Variants in UGGT1 observed in about 807,000 individuals in gnomAD.
UGGT1 encodes the protein UDP-glucose:glycoprotein glucosyltransferase 1.
A neutral mutation model predicts 203.9 loss-of-function variants in UGGT1; 107 were observed. The ratio of observed to expected loss-of-function variants is 0.52; its 90% CI spans 0.45 to 0.62. The LOEUF is 0.62. UGGT1 is among the 20% of genes least tolerant of loss of function. The pLI, the probability that UGGT1 is intolerant of heterozygous loss-of-function variation, is 0.00. For synonymous variants in UGGT1, 628 were observed against 653.5 expected, an observed-to-expected ratio of 0.96 and a Z score of 0.59; for missense variants, 1,673 against 1,867.2, an observed-to-expected ratio of 0.90 and a Z score of 1.92.
chr2:128,157,437 G>A, intron 22 of UGGT1, 91 bp downstream of exon 22: 1 of 971,950 alleles, frequency 1.0e-6, no homozygotes, highest in Non-Finnish European at 1.6e-6. Context: ...TTCAGTGGGA[G>A]TTGGGAGTCC....
At chr2:128,149,366 C>G (rs113896135) in intron 18 of UGGT1, among the ~76,000 whole-genome samples, 1 of 148,216 alleles carries the variant, frequency 6.7e-6, no homozygotes, top group South Asian at 2.2e-4. Context: ...AAAAATAGGC[C>G]GGGCGCGATG....
At chr2:128,164,939 A>G in intron 26 of UGGT1, 114 bp downstream of exon 26, 1 of 757,640 alleles carries the variant, frequency 1.3e-6, no homozygotes, top group Non-Finnish European at 2.0e-6. Flanking sequence ...TCTTACAGGA[A>G]TTGAACATTT....
intron 22 of UGGT1, 139 bp downstream of exon 22, chr2:128,157,485 TC>T: frequency 1.6e-6 from 1 of 614,336 alleles, no homozygotes; most frequent in Non-Finnish European, 2.8e-6. Flanking sequence ...GAATTGTATC[TC>T]TAGAGATCTG....
At chr2:128,094,378 A>C (rs1687009999) in intron 1 of UGGT1, among the ~76,000 whole-genome samples, 1 of 152,186 alleles carries the variant, frequency 6.6e-6, no homozygotes, top group South Asian at 2.1e-4. Context: ...TGTAATTTAG[A>C]AGATAGTTTT....
At chr2:128,112,692 C>G (rs551401928) in intron 5 of UGGT1, among the ~76,000 whole-genome samples, 1 of 150,210 alleles carries the variant, frequency 6.7e-6, no homozygotes, top group Admixed American at 6.7e-5. Flanking sequence ...AGGTGATCCT[C>G]TCACCTTAGC....
At position 128,169,035 on chromosome 2, in the gene UGGT1, G is replaced by A. The variant is rs189348992; in HGVS notation, c.2922-1253G>A. 1.0e-3 allele frequency among the ~76,000 whole-genome samples: 117 copies of A among 113,812 alleles called. 5 individuals are homozygous for A. In the East Asian group the frequency reaches 0.027, roughly 27 times the overall value. The allele number at this position is 113,812 out of a possible 152,430, so 74.7% of individuals were successfully genotyped here. A position where few individuals can be genotyped will look rare whatever the true frequency, so the allele number is the denominator to read the frequency against. The stretch of plus-strand genomic sequence containing the variant: ...ATACTCCCAGCCTGGGTGAATGAGC[G>A]AGACTCTGTCTTTAAAAAAAAAAAA... On this transcript the variant is annotated intron_variant, in intron 26 of 40. Coordinates refer to ENST00000259253, the MANE Select transcript of UGGT1 (RefSeq NM_020120.4).
chr2:128,183,649 G>C, intron 37 of UGGT1, 26 bp from the exon 38 acceptor site: 2 of 1,561,332 alleles, frequency 1.3e-6, no homozygotes, highest in Non-Finnish European at 1.8e-6. Flanking sequence ...ATGGTTGGTT[G>C]TAACAAGCGG....
At chr2:128,186,218 G>A (rs1053555261) in intron 38 of UGGT1, among the ~76,000 whole-genome samples, 1 of 152,222 alleles carries the variant, frequency 6.6e-6, no homozygotes, top group African/African-American at 2.4e-5. Flanking sequence ...ACTTCTCTAA[G>A]GCATTGGTAA....
intron 18 of UGGT1, among the ~76,000 whole-genome samples, chr2:128,150,389 A>G (rs1352109192): frequency 6.6e-6 from 1 of 152,370 alleles, no homozygotes; most frequent in East Asian, 1.9e-4. Flanking sequence ...TAATCATGCC[A>G]CTGCACTCTA....
intron 5 of UGGT1, among the ~76,000 whole-genome samples, chr2:128,111,089 A>C (rs2105363624): frequency 6.6e-6 from 1 of 152,318 alleles, no homozygotes; most frequent in East Asian, 1.9e-4. Flanking sequence ...TTGGGGGCAC[A>C]AGCCTGTAGT....
At chr2:128,112,746 C>A (rs1687928802) in intron 5 of UGGT1, among the ~76,000 whole-genome samples, 1 of 151,318 alleles carries the variant, frequency 6.6e-6, no homozygotes, top group Non-Finnish European at 1.5e-5. Context: ...CCATACCCAG[C>A]TAATTTTCGT....
chr2:128,115,238 G>A lies in UGGT1; in HGVS notation c.793+18G>A, dbSNP rs752962296. 2.6e-5 allele frequency: 41 copies of A among 1,603,800 alleles called. No homozygotes were observed. The highest frequency in any genetic ancestry group is 3.2e-5 in the Non-Finnish European group (38 of 1,171,170). On this transcript the variant is annotated intron_variant, in intron 7 of 40. Coordinates refer to ENST00000259253, the MANE Select transcript of UGGT1 (RefSeq NM_020120.4). ...GGTGAAAGGTGAATTTGTAAAAATG[G>A]GACCAGTGTGCTTTCTTCAAATATG...
chr2:128,147,942 A>C (rs552304874), intron 18 of UGGT1, among the ~76,000 whole-genome samples: 1 of 152,246 alleles, frequency 6.6e-6, no homozygotes, highest in South Asian at 2.1e-4. Flanking sequence ...GTTTTTGACA[A>C]CTAGGAATTT....
intron 9 of UGGT1, 106 bp from the exon 10 acceptor site, chr2:128,121,093 T>C (rs6430990): frequency 0.94 from 999,086 of 1,057,394 alleles, 474,550 homozygotes; most frequent in Non-Finnish European, 0.98. Context: ...CATTCGAAGA[T>C]ATTCTTAATT....
chr2:128,168,971 G>A (rs952813807), intron 26 of UGGT1, among the ~76,000 whole-genome samples: 3 of 147,326 alleles, frequency 2.0e-5, no homozygotes, highest in African/African-American at 5.1e-5. Context: ...TGCTTGAGCC[G>A]GGGAGGTGGA....
At chr2:128,144,968 A>C (rs1689611467) in intron 17 of UGGT1, among the ~76,000 whole-genome samples, 1 of 152,236 alleles carries the variant, frequency 6.6e-6, no homozygotes, top group Admixed American at 6.5e-5. Flanking sequence ...AGGGACAAGC[A>C]CCTATGTTGA....
chr2:128,189,562 C>T (rs1692154448), intron 40 of UGGT1, among the ~76,000 whole-genome samples, 155 bp from the exon 41 acceptor site: 1 of 152,130 alleles, frequency 6.6e-6, no homozygotes. Context: ...TTTCAAAATA[C>T]AGTACAAAAG....
intron 31 of UGGT1, among the ~76,000 whole-genome samples, chr2:128,176,351 G>C (rs1172430226): frequency 6.9e-6 from 1 of 145,464 alleles, no homozygotes; most frequent in African/African-American, 2.6e-5. Context: ...GGTGGAGGTT[G>C]CATTGAGCCG....
chr2:128,139,200 TTTTG>T (rs745455083), intron 16 of UGGT1, among the ~76,000 whole-genome samples: 6 of 152,236 alleles, frequency 3.9e-5, no homozygotes, highest in Non-Finnish European at 7.3e-5. Flanking sequence ...AAAGGTTTGC[TTTTG>T]TTTGTTTGTT....
Sources: allele counts gnomAD v4.1 joint callset (sites outside exome capture counted in the v4.1 genomes callset), GRCh38; gene constraint gnomAD v4.1.1; transcripts MANE v1.5; gene names NCBI Gene and HGNC (gene_info 2026-07-23, HGNC 2026-07-21).